The following CD226 variants were observed in gnomAD, a reference collection of about 807,000 sequenced individuals.
CD226 encodes the protein CD226 antigen.
A neutral mutation model predicts 34.9 loss-of-function variants in CD226; 24 were observed. The ratio of observed to expected loss-of-function variants is 0.69; its 90% CI spans 0.50 to 0.97. The LOEUF (loss-of-function observed/expected upper bound fraction) is 0.97, where lower values mean the gene tolerates loss of function less well. CD226 is among the 50% of genes least tolerant of loss of function. The pLI, the probability that CD226 is intolerant of heterozygous loss-of-function variation, is 0.00. For missense variants in CD226, 397 were observed against 412.7 expected (o/e 0.96, Z 0.33); for synonymous variants, 148 against 147.4 (o/e 1.00, Z -0.03).
At chr18:69,941,393 G>C (rs957656741) in intron 2 of CD226, among the ~76,000 whole-genome samples, 16 of 152,240 alleles carry the variant, frequency 1.1e-4, no homozygotes, top group African/African-American at 3.4e-4. Flanking sequence ...GCCTGTGAAA[G>C]CAGCCAAGAG....
At chr18:69,920,141 G>A (rs1481535272) in intron 2 of CD226, among the ~76,000 whole-genome samples, 1 of 152,134 alleles carries the variant, frequency 6.6e-6, no homozygotes, top group Non-Finnish European at 1.5e-5. Flanking sequence ...TGGGATTACA[G>A]GTGTGAGCCA....
chr18:69,921,633 C>A (rs777007306), intron 2 of CD226, among the ~76,000 whole-genome samples: 9 of 152,176 alleles, frequency 5.9e-5, no homozygotes, highest in African/African-American at 2.2e-4. Context: ...ACCCATGAGG[C>A]CCTTCGTGGA....
intron 2 of CD226, among the ~76,000 whole-genome samples, chr18:69,917,141 T>C (rs1157419767): frequency 6.6e-6 from 1 of 152,160 alleles, no homozygotes; most frequent in Non-Finnish European, 1.5e-5. Flanking sequence ...ACAGCCAGAG[T>C]AATCTTTGTA....
rs981343620 is a variant in CD226, at chr18:69,862,311, T to C, written c.*2003A>G. The C allele has an allele frequency of 6.6e-6, 1 of 152,182 alleles. No individual in the cohort carries two copies. Among genetic ancestry groups the C allele is most frequent in the African/African-American group, 2.4e-5 (1 of 41,470 alleles). 9.4% of individuals were successfully genotyped at this position (152,182 alleles called of 1,614,324 possible). A position where few individuals can be genotyped will look rare whatever the true frequency, so the allele number is the denominator to read the frequency against. On this transcript the variant is annotated 3_prime_UTR_variant, in exon 6 of 6. Transcript: ENST00000582621. ...TATTGGAGTTTTCCAGAAAGTAATA[T>C]TTTGATTGTCTTTACCATTCAGAAA...
chr18:69,870,121 A>T (rs1349307298), intron 4 of CD226, among the ~76,000 whole-genome samples: 1 of 151,706 alleles, frequency 6.6e-6, no homozygotes, highest in Non-Finnish European at 1.5e-5. Flanking sequence ...TCAATGCCAA[A>T]ACCCAGAGAG....
chr18:69,953,438 C>T (rs1255933182), intron 1 of CD226, among the ~76,000 whole-genome samples: 4 of 152,288 alleles, frequency 2.6e-5, no homozygotes, highest in Non-Finnish European at 4.4e-5. Context: ...GCCTTGATAA[C>T]ATTATGCTAA....
intron 3 of CD226, among the ~76,000 whole-genome samples, chr18:69,883,975 G>A (rs1169882158): frequency 6.6e-6 from 1 of 152,236 alleles, no homozygotes; most frequent in Non-Finnish European, 1.5e-5. Context: ...CCTGGGCAAA[G>A]TCAGAAGGAC....
rs1338304750 is a variant in CD226 at position 69,858,458 on chromosome 18, T to G, written c.*5856A>C. On this transcript the variant is annotated 3_prime_UTR_variant, in exon 6 of 6. Coordinates refer to ENST00000582621, the MANE Select transcript of CD226 (RefSeq NM_001303618.2). ...ACAAGCTGCTGCCTTCCAGATATAT[T>G]TAAGAGACACTGATTTTGGAATAAG... The G allele has an allele frequency of 1.3e-5, 2 of 152,114 alleles. No individual in the cohort carries two copies. Among genetic ancestry groups the G allele is most frequent in the Admixed American group, 1.3e-4 (2 of 15,262 alleles). 9.4% of individuals were successfully genotyped at this position (152,114 alleles called of 1,614,324 possible).
intron 2 of CD226, among the ~76,000 whole-genome samples, chr18:69,932,408 C>T (rs972508809): frequency 1.3e-5 from 2 of 152,206 alleles, no homozygotes; most frequent in African/African-American, 2.4e-5. Context: ...TGTGGGTTTG[C>T]TGTGAACATG....
intron 2 of CD226, among the ~76,000 whole-genome samples, chr18:69,943,444 A>G (rs1449065692): frequency 6.6e-6 from 1 of 152,230 alleles, no homozygotes; most frequent in South Asian, 2.1e-4. Context: ...TCTTACCATC[A>G]GAGTCTCTAA....
upstream of CD226, among the ~76,000 whole-genome samples, chr18:69,958,788 A>AACACACACACACAC (rs59835947): frequency 3.5e-3 from 504 of 143,792 alleles, 7 homozygotes; most frequent in African/African-American, 0.012. Context: ...TTCACAGGCA[A>AACACACACACACAC]ACACACACAC....
intron 2 of CD226, among the ~76,000 whole-genome samples, chr18:69,927,947 C>G (rs1166940472): frequency 6.6e-6 from 1 of 151,992 alleles, no homozygotes; most frequent in Non-Finnish European, 1.5e-5. Flanking sequence ...AATAAATATC[C>G]CTATCAAAAA....
intron 4 of CD226, among the ~76,000 whole-genome samples, chr18:69,867,622 C>T (rs1322356897): frequency 6.6e-6 from 1 of 152,122 alleles, no homozygotes; most frequent in African/African-American, 2.4e-5. Context: ...GTGAGGGCAA[C>T]TAAATGGATA....
At chr18:69,878,063 T>A (rs1790968) in intron 3 of CD226, among the ~76,000 whole-genome samples, 8,162 of 152,244 alleles carry the variant, frequency 0.054, 242 homozygotes, top group Middle Eastern at 0.061. Flanking sequence ...TACGGATGCT[T>A]TGGGAGTTAA....
intron 3 of CD226, among the ~76,000 whole-genome samples, chr18:69,891,495 C>A (rs80021090): frequency 0.072 from 10,986 of 151,958 alleles, 416 homozygotes; most frequent in Middle Eastern, 0.092. Flanking sequence ...AGCCATTAAA[C>A]AAGAAAAAGA....
upstream of CD226, among the ~76,000 whole-genome samples, chr18:69,957,594 G>C (rs1403747472): frequency 6.6e-6 from 1 of 152,142 alleles, no homozygotes; most frequent in African/African-American, 2.4e-5. Flanking sequence ...TTCATAGAAA[G>C]ACTAGGAAGG....
chr18:69,945,656 C>T (rs1187688313), intron 2 of CD226, among the ~76,000 whole-genome samples: 1 of 152,098 alleles, frequency 6.6e-6, no homozygotes, highest in African/African-American at 2.4e-5. Flanking sequence ...GAGTCCAAGA[C>T]CAGCCTGGGC....
rs1982672761 is a variant in CD226, at chr18:69,858,406, G to T, written c.*5908C>A. On this transcript the variant is annotated 3_prime_UTR_variant, in exon 6 of 6. Transcript: ENST00000582621. The stretch of plus-strand genomic sequence containing the variant: ...TTGGAAAGTAAGTTGTACCCTGACT[G>T]CCACTATGGAAGCTGAAGGGGGAGA... 1 of 152,182 alleles carries T rather than the reference G, an allele frequency of 6.6e-6. No individual in the cohort carries two copies. Among genetic ancestry groups the T allele is most frequent in the Non-Finnish European group, 1.5e-5 (1 of 68,050 alleles). 9.4% of individuals were successfully genotyped at this position (152,182 alleles called of 1,614,324 possible).
chr18:69,950,259 G>C (rs1454060868), upstream of CD226, among the ~76,000 whole-genome samples: 7 of 151,064 alleles, frequency 4.6e-5, no homozygotes, highest in East Asian at 3.9e-4. Flanking sequence ...CACACACTCT[G>C]TCTCTCTCTC....
Sources: gnomAD v4.1 joint callset for allele counts (sites outside exome capture counted in the v4.1 genomes callset) on GRCh38, gnomAD v4.1.1 for gene constraint, MANE v1.5 for transcripts, NCBI Gene and HGNC (gene_info 2026-07-23, HGNC 2026-07-21) for gene names.